The following MCF2 variants were observed in gnomAD, a reference collection of about 807,000 sequenced individuals.
MCF2 encodes the protein proto-oncogene DBL.
MCF2 carries 44 observed loss-of-function variants against 82.5 expected under a neutral mutation model. The observed-to-expected ratio is 0.53, with a 90% CI of 0.42 to 0.69. The LOEUF (loss-of-function observed/expected upper bound fraction) is 0.69. Among genes scored for constraint, MCF2 ranks in the 30% least tolerant of loss-of-function variants. The probability of loss-of-function intolerance (pLI) is 0.00; values close to 1 mark genes in which losing one functional copy is unlikely to be tolerated. For synonymous variants in MCF2, 217 were observed against 224.9 expected, an observed-to-expected ratio of 0.96 and a Z score of 0.32; for missense variants, 623 against 663.1, an observed-to-expected ratio of 0.94 and a Z score of 0.66.
chrX:139,584,026 T>C (rs761827137), intron 24 of MCF2, among the ~76,000 whole-genome samples: 104 of 111,340 alleles, frequency 9.3e-4, no homozygotes, highest in African/African-American at 3.0e-3. Context: ...CACAAATATG[T>C]ATTATGGTCA....
exon 14 of MCF2, chrX:139,604,870 C>T (rs1490499414): frequency 6.2e-6 from 7 of 1,134,377 alleles, no homozygotes; most frequent in African/African-American, 1.8e-5. Context: ...ATTACATACT[C>T]GTTATGGAAT....
chrX:139,625,513 T>G (rs1185921285), intron 6 of MCF2, among the ~76,000 whole-genome samples: 1 of 111,378 alleles, frequency 9.0e-6, no homozygotes, highest in East Asian at 2.8e-4. Context: ...ACAAAGCAAG[T>G]AAGCCATTCA....
intron 1 of MCF2, among the ~76,000 whole-genome samples, chrX:139,679,181 G>A (rs1039545562): frequency 8.9e-6 from 1 of 112,103 alleles, no homozygotes; most frequent in Non-Finnish European, 1.9e-5. Context: ...ATTTTACCAC[G>A]TGCTTACAGA....
chrX:139,678,384 A>G (rs1391575844), intron 1 of MCF2, among the ~76,000 whole-genome samples: 2 of 111,670 alleles, frequency 1.8e-5, no homozygotes, highest in Non-Finnish European at 1.9e-5. Context: ...AAAATATAGT[A>G]TGATATCTGT....
At chrX:139,671,790 A>G (rs769418487) in intron 1 of MCF2, among the ~76,000 whole-genome samples, 2 of 111,914 alleles carry the variant, frequency 1.8e-5, no homozygotes, top group East Asian at 5.6e-4. Context: ...TTGTCTAGGC[A>G]ATGGAGGCTC....
chrX:139,629,444 T>A lies in MCF2; in HGVS notation c.438+251A>T, dbSNP rs1413745604. On this transcript the variant is annotated intron_variant, in intron 4 of 24. Transcript: ENST00000370576. ...GTAAAACAAAAGACTATATTTCTTT[T>A]TCTGCAGCATTTATAAGATGTTTTT... 8.9e-5 allele frequency among the ~76,000 whole-genome samples: 10 copies of A among 112,389 alleles called. No individual in the cohort carries two copies. In the Admixed American group the frequency reaches 9.4e-4, roughly 11 times the overall value.
Position 139,604,565 on chromosome X carries a change from C to T in MCF2, c.1743+116G>A, listed in dbSNP as rs142575392. 688 of 438,885 alleles carry T rather than the reference C, an allele frequency of 1.6e-3. 5 individuals carry two copies. The African/African-American group carries it at 0.016, about 10-fold the overall frequency. 36.2% of individuals were successfully genotyped at this position (438,885 alleles called of 1,213,427 possible). A position where few individuals can be genotyped will look rare whatever the true frequency, so the allele number is the denominator to read the frequency against. ...TAAATACTTGCTGGAGTAATGTGTC[C>T]TCTCCAAAAACATAAAGACATAAAG... On this transcript the variant is annotated intron_variant, in intron 15 of 24. Transcript: ENST00000370576.
exon 9 of MCF2, chrX:139,616,470 G>T: frequency 9.6e-7 from 1 of 1,046,935 alleles, no homozygotes; most frequent in Non-Finnish European, 1.3e-6. Flanking sequence ...CAGCATTGAC[G>T]AGCCTGGTAA....
intron 1 of MCF2, among the ~76,000 whole-genome samples, chrX:139,682,193 G>T (rs1935014777): frequency 9.0e-6 from 1 of 111,355 alleles, no homozygotes. Flanking sequence ...ACAGTGAGAA[G>T]ACCTCCCCCC....
At chrX:139,588,933 A>G (rs1040083003) in intron 20 of MCF2, among the ~76,000 whole-genome samples, 4 of 111,007 alleles carry the variant, frequency 3.6e-5, no homozygotes, top group Non-Finnish European at 5.7e-5. Flanking sequence ...CTGTCTCAAA[A>G]AAAAAAAATC....
intron 1 of MCF2, chrX:139,692,158 A>G (rs1057010509): frequency 9.2e-6 from 10 of 1,088,933 alleles, no homozygotes; most frequent in East Asian, 6.7e-5. Flanking sequence ...GAACCCAGGT[A>G]GGGCCGGGCC....
intron 1 of MCF2, among the ~76,000 whole-genome samples, chrX:139,660,506 AT>A (rs1172675828): frequency 8.9e-6 from 1 of 112,112 alleles, no homozygotes; most frequent in South Asian, 3.7e-4. Context: ...CTATGTGTGT[AT>A]TTTTTTCCTT....
chrX:139,677,251 CA>C (rs1041029124), intron 1 of MCF2, among the ~76,000 whole-genome samples: 7 of 111,683 alleles, frequency 6.3e-5, no homozygotes, highest in Admixed American at 1.9e-4. Flanking sequence ...AGGGAAGAAT[CA>C]GGGGAGAAGA....
intron 1 of MCF2, among the ~76,000 whole-genome samples, chrX:139,667,926 C>A (rs1339014707): frequency 6.2e-5 from 7 of 112,057 alleles, no homozygotes; most frequent in Non-Finnish European, 1.3e-4. Context: ...GAGGCCAAGG[C>A]AGGAGGATCA....
upstream of MCF2, chrX:139,642,919 G>T: frequency 3.0e-6 from 2 of 656,448 alleles, no homozygotes; most frequent in Non-Finnish European, 3.7e-6. Context: ...TCTCCTCTGC[G>T]CAGTTTGATT....
chrX:139,630,718 G>C (rs756642071), intron 3 of MCF2, among the ~76,000 whole-genome samples: 8 of 111,736 alleles, frequency 7.2e-5, no homozygotes, highest in African/African-American at 1.6e-4. Context: ...TCTTCAGAAG[G>C]GTTCCCCTAT....
intron 1 of MCF2, among the ~76,000 whole-genome samples, chrX:139,703,146 T>C (rs1223694227): frequency 8.9e-6 from 1 of 112,034 alleles, no homozygotes; most frequent in East Asian, 2.8e-4. Context: ...CTCTTCTGCA[T>C]GTGTTAATCC....
At chrX:139,615,032 T>C (rs750040567) in exon 10 of MCF2, 6 of 1,204,848 alleles carry the variant, frequency 5.0e-6, no homozygotes, top group Non-Finnish European at 6.7e-6. Context: ...CAAGCTTGAG[T>C]TGTATAGTCT....
At position 139,605,002 on chromosome X, in the gene MCF2, A is replaced by G. The variant is rs1290440322; in HGVS notation, c.1558-18T>C. On this transcript the variant is annotated intron_variant, in intron 13 of 24. Transcript: ENST00000370576. ...CTATAACCCTACCCAAAATAAATAC[A>G]TTCATGCATTTTAAAATAATTACAT... 1.1e-6 allele frequency: 1 copy of G among 912,580 alleles called. No individual in the cohort carries two copies. Among genetic ancestry groups the G allele is most frequent in the Admixed American group, 2.8e-5 (1 of 35,835 alleles). 75.2% of individuals were successfully genotyped at this position (912,580 alleles called of 1,213,427 possible). A position where few individuals can be genotyped will look rare whatever the true frequency, so the allele number is the denominator to read the frequency against.
Sources: gnomAD v4.1 joint callset for allele counts (sites outside exome capture counted in the v4.1 genomes callset) on GRCh38, gnomAD v4.1.1 for gene constraint, MANE v1.5 for transcripts, NCBI Gene and HGNC (gene_info 2026-07-23, HGNC 2026-07-21) for gene names.